MAD1L1: variants seen among roughly 807,000 people sequenced by gnomAD.
MAD1L1 encodes the protein mitotic spindle assembly checkpoint protein MAD1.
A neutral mutation model predicts 96.9 loss-of-function variants in MAD1L1; 95 were observed. That is an observed-to-expected ratio of 0.98 (90% CI 0.83 to 1.16). MAD1L1 has a LOEUF of 1.16. MAD1L1 is among the 50% of genes most tolerant of loss of function. The pLI is 0.00. For synonymous variants in MAD1L1, 473 were observed against 396.6 expected (o/e 1.19, Z -2.29); for missense variants, 1,007 against 954.4 (o/e 1.06, Z -0.73).
In MAD1L1 at chr7:2,140,489, G is replaced by A. The variant is rs367870814; in HGVS notation, c.1073+8663C>T. Among the ~76,000 whole-genome samples the A allele has an allele frequency of 2.4e-4, 36 of 152,344 alleles. No homozygotes were observed. In the East Asian group the frequency reaches 6.0e-3, roughly 25 times the overall value. ...AGAGGCCAACCAGGGCAGGGACGCCGAGTGACCAGGGAGAAGGGAGAAAAG... is the reference window on the plus strand; with the variant it reads ...AGAGGCCAACCAGGGCAGGGACGCCAAGTGACCAGGGAGAAGGGAGAAAAG... On this transcript the variant is annotated intron_variant, in intron 11 of 18. Transcript: ENST00000265854.
chr7:1,985,645 C>T (rs779614288), intron 14 of MAD1L1, among the ~76,000 whole-genome samples: 1 of 152,226 alleles, frequency 6.6e-6, no homozygotes, highest in African/African-American at 2.4e-5. Context: ...TTTTTGAATA[C>T]ATGACATGTA....
At chr7:2,097,224 C>A (rs1028287221) in intron 11 of MAD1L1, among the ~76,000 whole-genome samples, 1 of 152,084 alleles carries the variant, frequency 6.6e-6, no homozygotes, top group African/African-American at 2.4e-5. Context: ...CTCTGCCACA[C>A]CCCACCCCAC....
At chr7:2,200,824 C>T (rs1484599441) in intron 10 of MAD1L1, among the ~76,000 whole-genome samples, 1 of 152,238 alleles carries the variant, frequency 6.6e-6, no homozygotes, top group Non-Finnish European at 1.5e-5. Context: ...CCCCTCCCGC[C>T]TGTCCAGCAG....
Position 1,980,508 on chromosome 7 carries a change from A to G in MAD1L1, c.1450T>C (p.Ser484Pro), listed in dbSNP as rs1423009402. The G allele has an allele frequency of 1.0e-5, 16 of 1,604,070 alleles. No individual in the cohort carries two copies. The highest frequency in any genetic ancestry group is 1.2e-5 in the Non-Finnish European group (14 of 1,178,680). Residue 484 changes from serine (S) to proline (P), a missense_variant, in exon 15 of 19, where the codon TCC becomes CCC. Physicochemically the swap from Ser to Pro is moderately conservative, Grantham distance 74 (BLOSUM62 -1). Coordinates refer to ENST00000265854, the MANE Select transcript of MAD1L1 (RefSeq NM_001013836.2). ...AGGAAGCTCTGTTCGGCAGAGCTGG[A>G]CTGAGACTTCAGCATCTTCAGCTCC... ...EMELKMLKSQ[S>P]SSAEQSFLFS...
chr7:2,089,616 A>C (rs1786103838), intron 11 of MAD1L1, among the ~76,000 whole-genome samples: 1 of 150,766 alleles, frequency 6.6e-6, no homozygotes, highest in Non-Finnish European at 1.5e-5. Context: ...ACGCCCACCC[A>C]TCACGTGCAT....
intron 13 of MAD1L1, among the ~76,000 whole-genome samples, chr7:2,005,109 C>G (rs1200968057): frequency 9.2e-5 from 14 of 152,180 alleles, no homozygotes; most frequent in Admixed American, 9.2e-4. Context: ...AGCTATGGCT[C>G]GGCTCACACG....
chr7:1,844,224 G>A (rs1414798608), intron 18 of MAD1L1: 1 of 154,426 alleles, frequency 6.5e-6, no homozygotes, highest in Non-Finnish European at 1.5e-5. Context: ...ACTTTCCCAC[G>A]ACCCTCTGCC....
At chr7:1,827,676 G>GTCCTCCCCTCCT in intron 18 of MAD1L1, among the ~76,000 whole-genome samples, 1 of 100,978 alleles carries the variant, frequency 9.9e-6, no homozygotes, top group African/African-American at 3.6e-5. Flanking sequence ...CGGGTGTGGG[G>GTCCTCCCCTCCT]GCCTCCCCTC....
At chr7:1,937,657 C>T (rs534982723) in intron 16 of MAD1L1, among the ~76,000 whole-genome samples, 100 of 149,714 alleles carry the variant, frequency 6.7e-4, no homozygotes, top group African/African-American at 2.3e-3. Context: ...ACTGCGCACC[C>T]GAGACCCCGA....
chr7:2,071,904 G>A (rs1785148576), intron 11 of MAD1L1, among the ~76,000 whole-genome samples: 1 of 152,214 alleles, frequency 6.6e-6, no homozygotes, highest in African/African-American at 2.4e-5. Flanking sequence ...TTCCTGGAGG[G>A]TGGGGAGGGC....
At chr7:1,967,757 G>A (rs928777955) in intron 15 of MAD1L1, among the ~76,000 whole-genome samples, 3 of 152,232 alleles carry the variant, frequency 2.0e-5, no homozygotes, top group East Asian at 1.9e-4. Flanking sequence ...AGCAGGGCGC[G>A]GCCGGCCGCG....
intron 11 of MAD1L1, among the ~76,000 whole-genome samples, chr7:2,131,617 G>T (rs919333779): frequency 6.6e-6 from 1 of 152,232 alleles, no homozygotes; most frequent in African/African-American, 2.4e-5. Context: ...TCACAAATGT[G>T]CTGGAACATT....
intron 17 of MAD1L1, among the ~76,000 whole-genome samples, chr7:1,932,087 C>T (rs937593767): frequency 8.5e-5 from 13 of 152,252 alleles, no homozygotes; most frequent in East Asian, 3.8e-4. Flanking sequence ...TGACACCCAA[C>T]GCACCAGGTT....
intron 18 of MAD1L1, among the ~76,000 whole-genome samples, chr7:1,878,872 T>C (rs1785527043): frequency 6.6e-6 from 1 of 152,186 alleles, no homozygotes; most frequent in South Asian, 2.1e-4. Flanking sequence ...ATTGTCTATG[T>C]TGAAAATCCT....
chr7:2,229,688 C>A (rs1794093970), intron 3 of MAD1L1, among the ~76,000 whole-genome samples: 1 of 152,234 alleles, frequency 6.6e-6, no homozygotes, highest in Non-Finnish European at 1.5e-5. Flanking sequence ...AATGAACTGG[C>A]TTTCCGATCC....
intron 18 of MAD1L1, among the ~76,000 whole-genome samples, chr7:1,871,304 A>G (rs1001303204): frequency 7.1e-6 from 1 of 140,926 alleles, no homozygotes; most frequent in African/African-American, 2.7e-5. Flanking sequence ...GCCACACTGA[A>G]CCCAACATAC....
At chr7:1,828,318 A>T (rs1339381518) in intron 18 of MAD1L1, among the ~76,000 whole-genome samples, 3 of 152,142 alleles carry the variant, frequency 2.0e-5, no homozygotes, top group Non-Finnish European at 4.4e-5. Context: ...GCCTCGCGGG[A>T]CCCGAGTTGA....
chr7:2,111,550 G>A (rs867655812), intron 11 of MAD1L1, among the ~76,000 whole-genome samples: 11 of 152,368 alleles, frequency 7.2e-5, no homozygotes, highest in African/African-American at 9.6e-5. Flanking sequence ...ATCCCGATAC[G>A]TGGGAAATCA....
rs751312888 is a variant in MAD1L1 at position 1,968,222 on chromosome 7, C to T, written c.1506-10503G>A. On this transcript the variant is annotated intron_variant, in intron 15 of 18. Coordinates refer to ENST00000265854, the MANE Select transcript of MAD1L1 (RefSeq NM_001013836.2). This position sits in a 1 kb window ranked among gnomAD's most constrained non-coding sequence, Gnocchi z 5.6. ...TCAATCCGGCGGTCAGGTCCACCGT[C>T]GACGCCTCAGTCCGGCGGTCAGGTC... is the stretch of plus-strand genomic sequence containing the variant. Among the ~76,000 whole-genome samples the T allele has an allele frequency of 7.2e-5, 11 of 152,168 alleles. No individual in the cohort carries two copies. The highest frequency in any genetic ancestry group is 1.2e-4 in the Non-Finnish European group (8 of 68,012).
Sources: gnomAD v4.1 joint callset for allele counts (sites outside exome capture counted in the v4.1 genomes callset) on GRCh38, gnomAD v4.1.1 for gene constraint, Gnocchi (gnomAD v3.1) non-coding constraint, MANE v1.5 for transcripts, NCBI Gene and HGNC (gene_info 2026-07-23, HGNC 2026-07-21) for gene names.